HMGCLL1: variants seen among roughly 807,000 people sequenced by gnomAD.
The protein encoded by HMGCLL1 is 3-hydroxymethyl-3-methylglutaryl-CoA lyase, cytoplasmic.
A neutral mutation model predicts 39.1 loss-of-function variants in HMGCLL1; 36 were observed. The ratio of observed to expected loss-of-function variants is 0.92; its 90% confidence interval spans 0.71 to 1.22. The LOEUF (loss-of-function observed/expected upper bound fraction) is 1.22. Among genes scored for constraint, HMGCLL1 ranks in the 50% most tolerant of loss-of-function variants. The pLI, the probability that HMGCLL1 is intolerant of heterozygous loss-of-function variation, is 0.00. For missense variants in HMGCLL1, 451 were observed against 416.5 expected (o/e 1.08, Z -0.72); for synonymous variants, 149 against 144.0 (o/e 1.03, Z -0.25).
In HMGCLL1 at chr6:55,448,869, C is replaced by T. The variant is rs149185752; in HGVS notation, c.796-9310G>A. ...GCCAATACTACTGGCCCCCAGAACA[C>T]ACTTGAGTGGCAAGAGACAACAGAT... On this transcript the variant is annotated intron_variant, in intron 7 of 8. Transcript: ENST00000274901. 7.2e-5 allele frequency among the ~76,000 whole-genome samples: 11 copies of T among 152,254 alleles called. No homozygotes were observed. In the East Asian group the frequency reaches 1.9e-3, roughly 27 times the overall value.
At chr6:55,460,218 G>A (rs765164025) in intron 7 of HMGCLL1, among the ~76,000 whole-genome samples, 1 of 151,760 alleles carries the variant, frequency 6.6e-6, no homozygotes, top group Non-Finnish European at 1.5e-5. Flanking sequence ...CTCTCACTAA[G>A]GATAACAAAT....
At chr6:55,493,940 T>A (rs2127422489) in intron 7 of HMGCLL1, among the ~76,000 whole-genome samples, 1 of 152,154 alleles carries the variant, frequency 6.6e-6, no homozygotes, top group African/African-American at 2.4e-5. Context: ...GTTCTCCGTG[T>A]TAGCCAGGAT....
chr6:55,604,300 C>T, the HMGCLL1 span, among the ~76,000 whole-genome samples: 1 of 152,158 alleles, frequency 6.6e-6, no homozygotes, highest in East Asian at 1.9e-4. Flanking sequence ...AAAAGAAAAT[C>T]ATATACATTC....
At chr6:55,477,856 T>C (rs957848399) in intron 7 of HMGCLL1, among the ~76,000 whole-genome samples, 5 of 150,928 alleles carry the variant, frequency 3.3e-5, no homozygotes, top group African/African-American at 9.8e-5. Flanking sequence ...TGAGTGACAA[T>C]AGCCATAATT....
intron 7 of HMGCLL1, among the ~76,000 whole-genome samples, chr6:55,464,957 C>T (rs186159416): frequency 6.6e-6 from 1 of 152,240 alleles, no homozygotes; most frequent in Admixed American, 6.5e-5. Context: ...AACAAGACGG[C>T]TAGGGATTTC....
intron 5 of HMGCLL1, among the ~76,000 whole-genome samples, chr6:55,504,730 T>C (rs1767065880): frequency 6.6e-6 from 1 of 151,642 alleles, no homozygotes; most frequent in South Asian, 2.1e-4. Context: ...GTATAACCCA[T>C]GGATATTGAG....
the HMGCLL1 span, among the ~76,000 whole-genome samples, chr6:55,630,162 C>T: frequency 6.6e-6 from 1 of 152,146 alleles, no homozygotes; most frequent in African/African-American, 2.4e-5. Flanking sequence ...CCTGCAAACC[C>T]ACAGGGGTGG....
intron 6 of HMGCLL1, 45 bp from the exon 7 acceptor site, chr6:55,495,652 G>A: frequency 3.5e-6 from 5 of 1,435,850 alleles, no homozygotes; most frequent in Non-Finnish European, 4.7e-6. Flanking sequence ...GAAATGAAGA[G>A]ACTCAAACCC....
At chr6:55,474,422 A>G (rs1191862871) in intron 7 of HMGCLL1, among the ~76,000 whole-genome samples, 2 of 151,538 alleles carry the variant, frequency 1.3e-5, no homozygotes, top group African/African-American at 4.8e-5. Flanking sequence ...TGAGTCTATC[A>G]ACAGCATTCT....
chr6:55,672,929 C>A, the HMGCLL1 span, among the ~76,000 whole-genome samples: 2 of 151,966 alleles, frequency 1.3e-5, no homozygotes, highest in African/African-American at 4.8e-5. Context: ...GGAATTTTTT[C>A]TTAAGTATGT....
At chr6:55,455,819 C>G (rs1581799515) in intron 7 of HMGCLL1, among the ~76,000 whole-genome samples, 2 of 152,280 alleles carry the variant, frequency 1.3e-5, no homozygotes, top group South Asian at 4.1e-4. Context: ...ATCCCTTCTA[C>G]TGTTAGTGAA....
chr6:55,637,998 A>G, the HMGCLL1 span, among the ~76,000 whole-genome samples: 1 of 152,152 alleles, frequency 6.6e-6, no homozygotes, highest in East Asian at 1.9e-4. Context: ...CTCACTTTGA[A>G]CATGATCTAA....
At chr6:55,484,974 C>T (rs149776056) in intron 7 of HMGCLL1, among the ~76,000 whole-genome samples, 7 of 152,212 alleles carry the variant, frequency 4.6e-5, no homozygotes, top group Non-Finnish European at 7.4e-5. Context: ...CAAGGATCCT[C>T]TCTTATTCTC....
chr6:55,643,752 C>T, the HMGCLL1 span, among the ~76,000 whole-genome samples: 30 of 151,882 alleles, frequency 2.0e-4, no homozygotes, highest in Admixed American at 2.0e-3. Flanking sequence ...AAATAATGAC[C>T]TCCAGTTCCA....
At chr6:55,500,842 T>C (rs970754084) in intron 5 of HMGCLL1, among the ~76,000 whole-genome samples, 1 of 151,946 alleles carries the variant, frequency 6.6e-6, no homozygotes, top group Non-Finnish European at 1.5e-5. Flanking sequence ...TACAATAACA[T>C]GCTAATATAT....
intron 5 of HMGCLL1, chr6:55,513,158 C>T (rs2127435545): frequency 6.6e-6 from 1 of 152,218 alleles, no homozygotes; most frequent in South Asian, 2.1e-4. Flanking sequence ...GCATGTGGCT[C>T]CATCCTAGGA....
chr6:55,538,520 C>T (rs1178071983), intron 3 of HMGCLL1, among the ~76,000 whole-genome samples: 1 of 152,058 alleles, frequency 6.6e-6, no homozygotes, highest in South Asian at 2.1e-4. Flanking sequence ...TACAAATTGA[C>T]AATTTCAAGG....
chr6:55,535,349 G>T (rs1398295332), intron 3 of HMGCLL1, among the ~76,000 whole-genome samples: 1 of 152,102 alleles, frequency 6.6e-6, no homozygotes, highest in Non-Finnish European at 1.5e-5. Flanking sequence ...AGAATATGAA[G>T]ACTTCACCAA....
At chr6:55,659,824 T>G in the HMGCLL1 span, among the ~76,000 whole-genome samples, 1 of 151,990 alleles carries the variant, frequency 6.6e-6, no homozygotes, top group South Asian at 2.1e-4. Context: ...AAACATAAAG[T>G]TACCAAAGTA....
Sources: allele counts gnomAD v4.1 joint callset (sites outside exome capture counted in the v4.1 genomes callset), GRCh38; gene constraint gnomAD v4.1.1; transcripts MANE v1.5; gene names NCBI Gene and HGNC (gene_info 2026-07-23, HGNC 2026-07-21).